GSE1: variants seen among roughly 807,000 people sequenced by gnomAD.
GSE1 encodes the protein Gse1 coiled-coil protein.
GSE1 carries 32 observed loss-of-function variants against 112.6 expected under a neutral mutation model. That is an observed-to-expected ratio of 0.28 (90% CI 0.21 to 0.38). GSE1 has a LOEUF of 0.38. Among genes scored for constraint, GSE1 ranks in the 10% least tolerant of loss-of-function variants. The pLI is 1.00. For missense variants in GSE1, 2,348 were observed against 1,699.2 expected (o/e 1.38, Z -6.71); for synonymous variants, 1,115 against 735.6 (o/e 1.52, Z -8.35).
intron 1 of GSE1, among the ~76,000 whole-genome samples, chr16:85,574,902 G>A (rs974950893): frequency 5.3e-5 from 8 of 152,262 alleles, no homozygotes; most frequent in Admixed American, 3.3e-4. Context: ...AGGCAGGCGG[G>A]GGATTTAACC....
intron 1 of GSE1, among the ~76,000 whole-genome samples, chr16:85,627,891 A>G (rs1364952025): frequency 3.3e-5 from 5 of 152,176 alleles, no homozygotes; most frequent in East Asian, 3.9e-4. Context: ...TCCCCCACGG[A>G]CACCTTGGCA....
rs768150861 is a variant in GSE1 at position 85,198,945 on chromosome 16, A to ATT, written c.2283+27152_2283+27153dup. Among the ~76,000 whole-genome samples, 10 of 139,856 alleles carry ATT rather than the reference A, an allele frequency of 7.2e-5. No individual in the cohort carries two copies. The East Asian group carries it at 2.1e-3, about 29-fold the overall frequency. The allele number at this position is 139,856 out of a possible 152,430, so 91.8% of individuals were successfully genotyped here. On this transcript the variant is annotated intron_variant, in intron 1 of 2. Coordinates refer to the GSE1 transcript ENST00000637419. ...AGGCATGCACCACCACACCCGGCTA[A>ATT]TTTTTTTTTTTTTTTGGGAGACGGA... is the stretch of plus-strand genomic sequence containing the variant.
At chr16:85,666,612 G>C in intron 13 of GSE1, 1 of 492,588 alleles carries the variant, frequency 2.0e-6, no homozygotes, top group South Asian at 2.4e-5. Flanking sequence ...CGATCGGTAA[G>C]AGGTAAAGGA....
intron 2 of GSE1, among the ~76,000 whole-genome samples, chr16:85,391,251 A>G (rs959239301): frequency 1.3e-5 from 2 of 152,248 alleles, no homozygotes; most frequent in Admixed American, 6.5e-5. Context: ...ACATTCGGGC[A>G]TTAATGCATG....
intron 2 of GSE1, among the ~76,000 whole-genome samples, chr16:85,499,779 A>G (rs1458500526): frequency 6.6e-6 from 1 of 152,240 alleles, no homozygotes; most frequent in Non-Finnish European, 1.5e-5. Context: ...ACCATTTTAT[A>G]CCTGCTAGGT....
intron 1 of GSE1, among the ~76,000 whole-genome samples, chr16:85,253,082 CA>C (rs1906687878): frequency 6.5e-5 from 8 of 122,896 alleles, no homozygotes; most frequent in African/African-American, 2.2e-4. Context: ...CCCCCCCCCC[CA>C]CCAGCAGGCT....
chr16:85,628,379 C>G (rs932329728), intron 1 of GSE1, among the ~76,000 whole-genome samples: 1 of 152,244 alleles, frequency 6.6e-6, no homozygotes, highest in African/African-American at 2.4e-5. Context: ...GAGACTGTAC[C>G]TGGGGCTGGA....
At position 85,655,903 on chromosome 16, in the gene GSE1, C is replaced by T. The variant is rs1211469129; in HGVS notation, c.975C>T (p.Gly325=). Residue 325 remains glycine (G), a synonymous_variant, in exon 6 of 16, where the codon GGC becomes GGT. Coordinates refer to ENST00000253458, the MANE Select transcript of GSE1 (RefSeq NM_014615.5). ...CGCTGCACTCGGAGCGCATGTCTGGCCTCAGCGCGGAGAGGTAAGTGCGTC... is the reference window on the plus strand; with the variant it reads ...CGCTGCACTCGGAGCGCATGTCTGGTCTCAGCGCGGAGAGGTAAGTGCGTC... ...LAALHSERMS[G]LSAERLQMDE... 1.2e-6 allele frequency: 2 copies of T among 1,603,712 alleles called. No individual in the cohort carries two copies. The highest frequency in any genetic ancestry group is 1.7e-6 in the Non-Finnish European group (2 of 1,179,456).
chr16:85,367,591 T>C (rs2047210793), intron 2 of GSE1, among the ~76,000 whole-genome samples: 1 of 151,786 alleles, frequency 6.6e-6, no homozygotes, highest in Admixed American at 6.6e-5. Context: ...CCTAAGGAGG[T>C]GGCATTTGGC....
intron 1 of GSE1, among the ~76,000 whole-genome samples, chr16:85,566,984 C>G (rs2045777693): frequency 6.6e-6 from 1 of 152,150 alleles, no homozygotes; most frequent in African/African-American, 2.4e-5. Context: ...TCGGAAGTGT[C>G]ACGGCCTTTA....
chr16:85,657,182 T>C (rs1371676537), intron 7 of GSE1, 95 bp from the exon 8 acceptor site: 16 of 853,792 alleles, frequency 1.9e-5, no homozygotes, highest in Non-Finnish European at 2.9e-5. Context: ...TTGGAAGGGC[T>C]CTGGTTTCTC....
chr16:85,561,828 G>T (rs1021764455), intron 1 of GSE1, among the ~76,000 whole-genome samples: 1 of 152,228 alleles, frequency 6.6e-6, no homozygotes, highest in African/African-American at 2.4e-5. Flanking sequence ...GGCCTGTGGG[G>T]GCCGCTGGGT....
intron 2 of GSE1, among the ~76,000 whole-genome samples, chr16:85,530,367 A>C (rs1282481799): frequency 6.6e-6 from 1 of 152,226 alleles, no homozygotes; most frequent in African/African-American, 2.4e-5. Flanking sequence ...ATGCAATCTT[A>C]TCAGAGCTGA....
chr16:85,324,724 T>C lies in GSE1; in HGVS notation c.2284-32739T>C, dbSNP rs2046189869. Among the ~76,000 whole-genome samples, 4 of 152,026 alleles carry C rather than the reference T, an allele frequency of 2.6e-5. No individual in the cohort carries two copies. In the South Asian group the frequency reaches 8.3e-4, roughly 32 times the overall value. On this transcript the variant is annotated intron_variant, in intron 1 of 2. Transcript: ENST00000637419. ...GAACACAGAGGGTGGGTCTGCGCCA[T>C]CCGTGACATGTCCAATAGGCAAATC...
In GSE1 at chr16:85,357,462, G is replaced by A; in HGVS notation, c.2284-1G>A. ...ACTGTGTCCACCTCTTTTCCTTTCAGCCTGTTTGTGGATCTCTGGAAGCAT... is the reference window on the plus strand; with the variant it reads ...ACTGTGTCCACCTCTTTTCCTTTCAACCTGTTTGTGGATCTCTGGAAGCAT... On this transcript the variant is annotated splice_acceptor_variant, in intron 1 of 2. Transcript: ENST00000637419. LOFTEE classifies it high-confidence loss of function. The A allele has an allele frequency of 8.2e-7, 1 of 1,215,576 alleles. No homozygotes were observed. Among genetic ancestry groups the A allele is most frequent in the Non-Finnish European group, 1.1e-6 (1 of 951,678 alleles). The allele number at this position is 1,215,576 out of a possible 1,614,324, so 75.3% of individuals were successfully genotyped here.
rs192722477 is a variant in GSE1, at chr16:85,572,801, C to A, written c.37+16438C>A. 5.3e-5 allele frequency among the ~76,000 whole-genome samples: 8 copies of A among 152,248 alleles called. No homozygotes were observed. In the East Asian group the frequency reaches 9.6e-4, roughly 18 times the overall value. ...TGGGCTTTCTGGAAGAGGTGTGGGG[C>A]CTTGTCTATTACCTAAAGGAAGGCC... is the stretch of plus-strand genomic sequence containing the variant. On this transcript the variant is annotated intron_variant, in intron 1 of 2. Transcript: ENST00000635906.
intron 2 of GSE1, among the ~76,000 whole-genome samples, chr16:85,534,641 G>A (rs2044262257): frequency 6.6e-6 from 1 of 152,142 alleles, no homozygotes; most frequent in East Asian, 1.9e-4. Context: ...CTCCTGGGTC[G>A]TGTCCGCCTC....
intron 1 of GSE1, among the ~76,000 whole-genome samples, chr16:85,223,098 A>G (rs141360814): frequency 0.011 from 1,706 of 152,288 alleles, 32 homozygotes; most frequent in African/African-American, 0.037. Flanking sequence ...CAAGGCTGCC[A>G]TACCCATTTG....
intron 1 of GSE1, among the ~76,000 whole-genome samples, chr16:85,244,282 G>A (rs1905407197): frequency 6.6e-6 from 1 of 152,116 alleles, no homozygotes; most frequent in South Asian, 2.1e-4. Context: ...GCACTCACCT[G>A]GCATCGCTGG....
Sources: allele counts gnomAD v4.1 joint callset (sites outside exome capture counted in the v4.1 genomes callset), GRCh38; gene constraint gnomAD v4.1.1; transcripts MANE v1.5; gene names NCBI Gene and HGNC (gene_info 2026-07-23, HGNC 2026-07-21).